Variants in TRPM2 observed in about 807,000 individuals in gnomAD.
TRPM2 encodes the protein transient receptor potential cation channel subfamily M member 2.
In TRPM2, 161 loss-of-function variants were observed where a neutral mutation model predicts 174.0. The ratio of observed to expected loss-of-function variants is 0.93; its 90% CI spans 0.81 to 1.05. The LOEUF is 1.05. Ranked by LOEUF, TRPM2 falls within the 50% of genes least tolerant of loss-of-function variation. TRPM2 has a pLI of 0.00. For synonymous variants in TRPM2, 954 were observed against 861.3 expected, an observed-to-expected ratio of 1.11 and a Z score of -1.88; for missense variants, 2,057 against 2,038.0, an observed-to-expected ratio of 1.01 and a Z score of -0.18.
chr21:44,363,401 A>G (rs1365101468), intron 2 of TRPM2, among the ~76,000 whole-genome samples: 2 of 151,816 alleles, frequency 1.3e-5, no homozygotes, highest in East Asian at 3.9e-4. Context: ...TTATTGGGCA[A>G]TTTCTACTGT....
chr21:44,377,889 TC>T, intron 7 of TRPM2, 116 bp downstream of exon 7: 1 of 1,192,962 alleles, frequency 8.4e-7, no homozygotes, highest in Non-Finnish European at 1.2e-6. Context: ...CGATGAGCTT[TC>T]CCACCAGAAG....
At position 44,400,362 on chromosome 21, in the gene TRPM2, TCTC is replaced by T. The variant is rs1569065795; in HGVS notation, c.2315_2317del (p.Ser772del). The T allele has an allele frequency of 6.2e-7, 1 of 1,611,402 alleles. No individual in the cohort carries two copies. The highest frequency in any genetic ancestry group is 8.5e-7 in the Non-Finnish European group (1 of 1,179,646). ...TTCCCGCTGCTCCTCACCGGCCTCATCTCCTTCAGGTGCTGCAGGGCTGCGGGG... is the reference window on the plus strand; with the variant it reads ...TTCCCGCTGCTCCTCACCGGCCTCATCTTCAGGTGCTGCAGGGCTGCGGGG... On this transcript the variant is annotated inframe_deletion, in exon 15 of 32. Coordinates refer to ENST00000397928, the MANE Select transcript of TRPM2 (RefSeq NM_003307.4).
At chr21:44,404,855 TAGTGAC>T (rs1385549559) in intron 16 of TRPM2, among the ~76,000 whole-genome samples, 4 of 135,654 alleles carry the variant, frequency 2.9e-5, no homozygotes, top group African/African-American at 1.0e-4. Context: ...ATAGTGATGA[TAGTGAC>T]AGTGACTGTG....
intron 9 of TRPM2, among the ~76,000 whole-genome samples, chr21:44,389,075 G>T (rs1183479088): frequency 6.6e-6 from 1 of 152,104 alleles, no homozygotes; most frequent in East Asian, 1.9e-4. Context: ...GCCCTTTGTA[G>T]TTAAGCCTCC....
At chr21:44,395,094 C>T (rs1371958117) in intron 11 of TRPM2, among the ~76,000 whole-genome samples, 3 of 152,192 alleles carry the variant, frequency 2.0e-5, no homozygotes, top group Admixed American at 6.5e-5. Flanking sequence ...AATTTTGCTT[C>T]GTTGAAAGCA....
chr21:44,425,695 G>T lies in TRPM2; in HGVS notation c.3663G>T (p.Pro1221=), dbSNP rs373750979. 4.5e-6 allele frequency: 7 copies of T among 1,551,288 alleles called. No individual in the cohort carries two copies. Among genetic ancestry groups the T allele is most frequent in the Non-Finnish European group, 6.1e-6 (7 of 1,145,192 alleles). Reference sequence around the variant, plus strand: ...CCTCCCAGAAGGCCGCGGAGGAGCCGGATGCTGAGCCGGGAGGCAGGAAGA... The same window carrying T: ...CCTCCCAGAAGGCCGCGGAGGAGCCTGATGCTGAGCCGGGAGGCAGGAAGA... ...TLASQKAAEE[P]DAEPGGRKKT... Residue 1221 remains proline, a synonymous_variant, in exon 25 of 32, where the codon CCG becomes CCT. Coordinates refer to ENST00000397928, the MANE Select transcript of TRPM2 (RefSeq NM_003307.4).
intron 22 of TRPM2, among the ~76,000 whole-genome samples, chr21:44,419,517 T>G (rs1400294774): frequency 1.3e-5 from 2 of 150,980 alleles, no homozygotes; most frequent in Non-Finnish European, 3.0e-5. Context: ...TTATGAGTAG[T>G]GGGGGCGGTG....
At chr21:44,398,726 A>T (rs1785469) in intron 13 of TRPM2, among the ~76,000 whole-genome samples, 16 of 151,992 alleles carry the variant, frequency 1.1e-4, no homozygotes, top group African/African-American at 2.7e-4. Context: ...GCGTCAGTGA[A>T]GCATCAGAAT....
Position 44,405,913 on chromosome 21 carries a change from C to T in TRPM2, c.2666C>T (p.Pro889Leu), listed in dbSNP as rs758889888. Residue 889 changes from proline (P) to leucine (L), a missense_variant, in exon 18 of 32, where the codon CCG becomes CTG. Physicochemically the swap from Pro to Leu is moderately conservative, Grantham distance 98. Coordinates refer to ENST00000397928, the MANE Select transcript of TRPM2 (RefSeq NM_003307.4). ...TTCTGCCCGGCGGCCAGGCTCATCCCGGCGACGCTGTACCCCGGGCGCGTC... is the reference window on the plus strand; with the variant it reads ...TTCTGCCCGGCGGCCAGGCTCATCCTGGCGACGCTGTACCCCGGGCGCGTC... ...FVAGLTCRLIPATLYPGRVIL... is the reference protein window; with the variant it reads ...FVAGLTCRLILATLYPGRVIL... 41 of 1,603,098 alleles carry T rather than the reference C, an allele frequency of 2.6e-5. 1 individual carries two copies. Among genetic ancestry groups the T allele is most frequent in the Middle Eastern group, 1.7e-4 (1 of 6,048 alleles).
At chr21:44,441,044 A>C (rs2051483774) in intron 31 of TRPM2, 139 bp downstream of exon 31, 3 of 730,520 alleles carry the variant, frequency 4.1e-6, no homozygotes, top group Non-Finnish European at 7.1e-6. Flanking sequence ...CTCCGGGGAG[A>C]GGGAAGGCGG....
Position 44,376,000 on chromosome 21 carries a change from C to A in TRPM2, c.939C>A (p.Thr313=), listed in dbSNP as rs758249245. Residue 313 remains threonine (T), a synonymous_variant, in exon 6 of 32, where the codon ACC becomes ACA. Transcript: ENST00000397928. ...TRLEKFISEQ[T]KERGGVAIKI... ...TGGAGAAGTTCATATCGGAGCAGAC[C>A]AAGGAAAGAGGAGGTAGGGGAGCTT... 6.2e-7 allele frequency: 1 copy of A among 1,613,482 alleles called. No individual in the cohort carries two copies. Among genetic ancestry groups the A allele is most frequent in the Non-Finnish European group, 8.5e-7 (1 of 1,179,558 alleles).
chr21:44,440,979 G>C (rs1157727956), intron 31 of TRPM2, 74 bp downstream of exon 31: 2 of 1,318,248 alleles, frequency 1.5e-6, no homozygotes, highest in Non-Finnish European at 2.2e-6. Flanking sequence ...CGGGGAGGGG[G>C]TTGGCAGGGA....
chr21:44,438,965 G>A lies in TRPM2; in HGVS notation c.4168-102G>A, dbSNP rs151286821. ...TGCCTGTGGCTCCCAGGGCTGGGCC[G>A]CTGCCCACGCCGGGCAGGAGGCCAG... On this transcript the variant is annotated intron_variant, in intron 29 of 31. Transcript: ENST00000397928. The surrounding 1 kb of genome is among the most constrained non-coding windows in gnomAD (Gnocchi z 5.9). 7.2e-5 allele frequency: 65 copies of A among 905,476 alleles called. 1 individual carries two copies. The highest frequency in any genetic ancestry group is 6.1e-4 in the African/African-American group (37 of 60,430). The allele number at this position is 905,476 out of a possible 1,614,324, so 56.1% of individuals were successfully genotyped here. A position where few individuals can be genotyped will look rare whatever the true frequency, so the allele number is the denominator to read the frequency against.
rs752835090 is a variant in TRPM2 at position 44,425,724 on chromosome 21, C to T, written c.3692C>T (p.Thr1231Met). The T allele has an allele frequency of 3.0e-5, 47 of 1,573,054 alleles. No homozygotes were observed. Among genetic ancestry groups the T allele is most frequent in the African/African-American group, 1.1e-4 (8 of 74,278 alleles). ...GCTGAGCCGGGAGGCAGGAAGAAGA[C>T]GGAGGAGCCGGGCGACAGCTACCAC... ...PDAEPGGRKK[T>M]EEPGDSYHVN... is the part of the protein sequence containing the mutation. The change falls in exon 25 of 32, where the codon ACG becomes ATG. Residue 1231 changes from threonine (T) to methionine (M), a missense_variant. Coordinates refer to ENST00000397928, the MANE Select transcript of TRPM2 (RefSeq NM_003307.4).
chr21:44,358,685 T>G (rs1450558982), intron 2 of TRPM2, among the ~76,000 whole-genome samples: 1 of 152,142 alleles, frequency 6.6e-6, no homozygotes, highest in Non-Finnish European at 1.5e-5. Context: ...TGGGGCAGCA[T>G]TGGAGCAAGA....
intron 27 of TRPM2, 145 bp downstream of exon 27, chr21:44,427,256 A>C: frequency 1.4e-6 from 1 of 716,678 alleles, no homozygotes; most frequent in Non-Finnish European, 2.3e-6. Context: ...GAAAACATCA[A>C]CTCACTGCAT....
At chr21:44,427,965 CGAG>C (rs1159667697) in intron 27 of TRPM2, among the ~76,000 whole-genome samples, 1 of 152,044 alleles carries the variant, frequency 6.6e-6, no homozygotes, top group Non-Finnish European at 1.5e-5. Context: ...GGGAAGCTGA[CGAG>C]GAGAGCAGCA....
At chr21:44,394,519 CTG>C (rs1254930209) in intron 11 of TRPM2, among the ~76,000 whole-genome samples, 1 of 151,904 alleles carries the variant, frequency 6.6e-6, no homozygotes, top group African/African-American at 2.4e-5. Context: ...TGGGGTTTCA[CTG>C]CGTTAGCCAG....
intron 24 of TRPM2, 181 bp from the exon 25 acceptor site, chr21:44,425,489 G>A (rs1601235084): frequency 3.2e-6 from 2 of 630,380 alleles, no homozygotes; most frequent in East Asian, 6.5e-5. Context: ...TCCCGTGGCT[G>A]TCCTCCCTGG....
Sources: allele counts gnomAD v4.1 joint callset (sites outside exome capture counted in the v4.1 genomes callset), GRCh38; gene constraint gnomAD v4.1.1; non-coding constraint Gnocchi (gnomAD v3.1); transcripts MANE v1.5; gene names NCBI Gene and HGNC (gene_info 2026-07-23, HGNC 2026-07-21).